Variants in PATJ observed in about 807,000 individuals in gnomAD.
PATJ encodes inaD-like protein.
PATJ carries 190 observed loss-of-function variants against 224.9 expected under a neutral mutation model. The observed-to-expected ratio is 0.84, with a 90% CI of 0.75 to 0.95. The LOEUF (loss-of-function observed/expected upper bound fraction) is 0.95. Ranked by LOEUF, PATJ falls within the 40% of genes least tolerant of loss-of-function variation. The pLI is 0.00. For synonymous variants in PATJ, 769 were observed against 820.3 expected (o/e 0.94, Z 1.07); for missense variants, 2,121 against 2,270.3 (o/e 0.93, Z 1.34).
chr1:61,887,298 G>A (rs1246248035), intron 22 of PATJ, among the ~76,000 whole-genome samples: 1 of 152,106 alleles, frequency 6.6e-6, no homozygotes, highest in African/African-American at 2.4e-5. Flanking sequence ...AGGAAGGAAA[G>A]GAAGGTCTGG....
chr1:61,832,282 TACCCATATAAC>T (rs1659477912), intron 16 of PATJ, among the ~76,000 whole-genome samples: 1 of 152,098 alleles, frequency 6.6e-6, no homozygotes, highest in South Asian at 2.1e-4. Flanking sequence ...ACACACAATT[TACCCATATAAC>T]AAACCTGCAC....
intron 15 of PATJ, among the ~76,000 whole-genome samples, chr1:61,825,849 C>T (rs1658156523): frequency 6.6e-6 from 1 of 152,130 alleles, no homozygotes; most frequent in African/African-American, 2.4e-5. Context: ...GGGAAGAATT[C>T]CTGCTCTGAT....
chr1:62,040,028 T>C (rs1008971429), intron 30 of PATJ, among the ~76,000 whole-genome samples: 5 of 151,882 alleles, frequency 3.3e-5, no homozygotes, highest in African/African-American at 1.2e-4. Flanking sequence ...CCCAAGCACA[T>C]AGTTAGATGA....
chr1:62,120,193 G>C (rs56182303), intron 37 of PATJ, among the ~76,000 whole-genome samples: 108 of 152,218 alleles, frequency 7.1e-4, no homozygotes, highest in Non-Finnish European at 1.3e-3. Context: ...GTGATGAATA[G>C]ATAAATGGCT....
At chr1:62,118,046 C>G (rs535267588) in intron 37 of PATJ, among the ~76,000 whole-genome samples, 1 of 152,116 alleles carries the variant, frequency 6.6e-6, no homozygotes, top group Non-Finnish European at 1.5e-5. Flanking sequence ...TTCTGGAAAG[C>G]TATTAGCTGC....
At chr1:61,953,629 G>A (rs1224360971) in intron 27 of PATJ, among the ~76,000 whole-genome samples, 1 of 152,172 alleles carries the variant, frequency 6.6e-6, no homozygotes, top group Non-Finnish European at 1.5e-5. Flanking sequence ...ATTGCTTTCA[G>A]TTGTCTGTCA....
intron 41 of PATJ, among the ~76,000 whole-genome samples, chr1:62,146,818 C>T (rs1668086071): frequency 6.6e-6 from 1 of 151,706 alleles, no homozygotes; most frequent in South Asian, 2.1e-4. Context: ...AAAAGAAAAA[C>T]CAATAGAATT....
At chr1:61,831,646 G>C (rs1557724061) in intron 16 of PATJ, among the ~76,000 whole-genome samples, 1 of 152,182 alleles carries the variant, frequency 6.6e-6, no homozygotes. Context: ...TCTCATACCA[G>C]TCACAATGGC....
At chr1:62,045,847 G>A (rs1451973928) in intron 30 of PATJ, among the ~76,000 whole-genome samples, 1 of 152,098 alleles carries the variant, frequency 6.6e-6, no homozygotes, top group Non-Finnish European at 1.5e-5. Flanking sequence ...CAAGCTCCTG[G>A]TGAGTGGGGT....
chr1:61,987,505 C>G (rs1644830353), intron 27 of PATJ, among the ~76,000 whole-genome samples: 1 of 152,048 alleles, frequency 6.6e-6, no homozygotes, highest in South Asian at 2.1e-4. Context: ...CCATCTTACC[C>G]TATAAGTCCA....
intron 33 of PATJ, among the ~76,000 whole-genome samples, chr1:62,099,051 G>T (rs1024407442): frequency 6.6e-6 from 1 of 152,094 alleles, no homozygotes; most frequent in Non-Finnish European, 1.5e-5. Flanking sequence ...GCATAACCAT[G>T]TGTTTTTCAG....
intron 28 of PATJ, among the ~76,000 whole-genome samples, chr1:61,999,640 C>A (rs1645625861): frequency 6.6e-6 from 1 of 151,992 alleles, no homozygotes; most frequent in Non-Finnish European, 1.5e-5. Flanking sequence ...TGCACTCCAG[C>A]CTGGGTGACA....
chr1:61,765,757 C>G (rs578159978), intron 3 of PATJ, among the ~76,000 whole-genome samples: 1 of 152,164 alleles, frequency 6.6e-6, no homozygotes, highest in Admixed American at 6.5e-5. Flanking sequence ...CCCTGTGTGC[C>G]TCGGTTTTTA....
chr1:62,130,780 G>A (rs909743253), intron 41 of PATJ, among the ~76,000 whole-genome samples: 1 of 152,148 alleles, frequency 6.6e-6, no homozygotes, highest in Non-Finnish European at 1.5e-5. Context: ...GAACCTGGGA[G>A]GCAGAGCTTG....
At chr1:61,824,469 G>A (rs1236173665) in intron 15 of PATJ, among the ~76,000 whole-genome samples, 1 of 142,894 alleles carries the variant, frequency 7.0e-6, no homozygotes, top group Non-Finnish European at 1.5e-5. Context: ...CCTGTTGCCT[G>A]GGCTGGAGTG....
At chr1:61,885,018 T>G (rs1571108483) in intron 22 of PATJ, among the ~76,000 whole-genome samples, 1 of 152,162 alleles carries the variant, frequency 6.6e-6, no homozygotes, top group Admixed American at 6.5e-5. Context: ...GGAGCAAGAT[T>G]AAGCGTAGGT....
In PATJ at chr1:61,987,970, G is replaced by A. The variant is rs531510223; in HGVS notation, c.3671-2198G>A. 9.2e-5 allele frequency among the ~76,000 whole-genome samples: 14 copies of A among 152,288 alleles called. No individual in the cohort carries two copies. The South Asian group carries it at 2.3e-3, about 25-fold the overall frequency. On this transcript the variant is annotated intron_variant, in intron 27 of 43. Coordinates refer to ENST00000642238, the MANE Select transcript of PATJ (RefSeq NM_001350145.3). ...TCCCAGCACTATAAGAGGCCAAGGCGGGCGGATCACCTGAAATCAGGAGTT... is the reference window on the plus strand; with the variant it reads ...TCCCAGCACTATAAGAGGCCAAGGCAGGCGGATCACCTGAAATCAGGAGTT...
intron 28 of PATJ, chr1:61,991,681 A>G: frequency 1.0e-6 from 1 of 984,710 alleles, no homozygotes; most frequent in Non-Finnish European, 1.2e-6. Flanking sequence ...GTTCTTTTAT[A>G]ATATAGCACC....
intron 22 of PATJ, among the ~76,000 whole-genome samples, chr1:61,887,758 T>C (rs1669089622): frequency 6.6e-6 from 1 of 152,068 alleles, no homozygotes; most frequent in South Asian, 2.1e-4. Context: ...GAAGCACATT[T>C]GAAGGAAAAC....
Sources: gnomAD v4.1 joint callset for allele counts (sites outside exome capture counted in the v4.1 genomes callset) on GRCh38, gnomAD v4.1.1 for gene constraint, MANE v1.5 for transcripts, NCBI Gene and HGNC (gene_info 2026-07-23, HGNC 2026-07-21) for gene names.